Variants in ANKRD12 observed in about 807,000 individuals in gnomAD.
ANKRD12 encodes ankyrin repeat domain 12.
Under a neutral mutation model 183.4 loss-of-function variants are expected in ANKRD12, and 85 were observed. The ratio of observed to expected loss-of-function variants is 0.46; its 90% CI spans 0.39 to 0.56. The LOEUF is 0.56. Ranked by LOEUF, ANKRD12 falls within the 20% of genes least tolerant of loss-of-function variation. The pLI is 0.00. For synonymous variants in ANKRD12, 914 were observed against 800.2 expected (o/e 1.14, Z -2.40); for missense variants, 2,405 against 2,357.1 (o/e 1.02, Z -0.42).
intron 2 of ANKRD12, among the ~76,000 whole-genome samples, chr18:9,192,697 T>C (rs541857046): frequency 1.6e-5 from 2 of 123,048 alleles, no homozygotes; most frequent in East Asian, 2.7e-4. Context: ...GGATTTATCT[T>C]TTTTTTTCCT....
intron 1 of ANKRD12, among the ~76,000 whole-genome samples, chr18:9,141,908 A>G (rs2143338989): frequency 6.6e-6 from 1 of 152,274 alleles, no homozygotes; most frequent in African/African-American, 2.4e-5. Context: ...TTAACCTTTT[A>G]AAATAAATAG....
At chr18:9,218,543 A>C (rs1251314447) in intron 7 of ANKRD12, among the ~76,000 whole-genome samples, 5 of 152,228 alleles carry the variant, frequency 3.3e-5, no homozygotes, top group African/African-American at 1.2e-4. Flanking sequence ...TGGGAAAAGC[A>C]GAAATATAAC....
At chr18:9,145,050 AATTTTTATCTTT>A (rs1296785970) in intron 1 of ANKRD12, among the ~76,000 whole-genome samples, 2 of 152,106 alleles carry the variant, frequency 1.3e-5, no homozygotes, top group Admixed American at 6.5e-5. Flanking sequence ...AAGTATTTGA[AATTTTTATCTTT>A]TTATTTCTGA....
At position 9,221,716 on chromosome 18, in the gene ANKRD12, T is replaced by C; in HGVS notation, c.796-136T>C. The C allele has an allele frequency of 7.2e-6, 6 of 828,426 alleles. No homozygotes were observed. The South Asian group carries it at 1.4e-4, about 19-fold the overall frequency. 51.3% of individuals were successfully genotyped at this position (828,426 alleles called of 1,614,324 possible). On this transcript the variant is annotated intron_variant, in intron 7 of 12. Transcript: ENST00000262126. The stretch of plus-strand genomic sequence containing the variant: ...ATGGATCTTGAAGAGAATAACGATT[T>C]AGAGTAGATGGTGAGGAATGGATGC...
Position 9,271,467 on chromosome 18 carries a change from C to T in ANKRD12, c.5764-4057C>T, listed in dbSNP as rs915324519. Among the ~76,000 whole-genome samples the T allele has an allele frequency of 7.9e-5, 12 of 151,870 alleles. No homozygotes were observed. The East Asian group carries it at 1.7e-3, about 22-fold the overall frequency. Reference sequence around the variant, plus strand: ...CCAGGAGGCGGAGGTTGCAGTGAGCCGAGATCATGCCACTGTACTCCAGCC... The same window carrying T: ...CCAGGAGGCGGAGGTTGCAGTGAGCTGAGATCATGCCACTGTACTCCAGCC... On this transcript the variant is annotated intron_variant, in intron 10 of 12. Transcript: ENST00000262126.
chr18:9,177,965 T>TA (rs1439912660), intron 1 of ANKRD12, among the ~76,000 whole-genome samples: 5 of 149,460 alleles, frequency 3.3e-5, no homozygotes, highest in Admixed American at 2.0e-4. Context: ...TATTGATTCA[T>TA]AAGAGTTATT....
intron 4 of ANKRD12, among the ~76,000 whole-genome samples, chr18:9,204,765 A>G (rs2035382238): frequency 6.6e-6 from 1 of 152,228 alleles, no homozygotes; most frequent in Admixed American, 6.5e-5. Context: ...CAGGACTGCC[A>G]TATACCTCCA....
At chr18:9,209,407 T>C (rs1030584204) in intron 5 of ANKRD12, among the ~76,000 whole-genome samples, 1 of 152,190 alleles carries the variant, frequency 6.6e-6, no homozygotes, top group Non-Finnish European at 1.5e-5. Flanking sequence ...TGGAGAAAAT[T>C]TCTTTTGGCC....
intron 8 of ANKRD12, among the ~76,000 whole-genome samples, chr18:9,226,365 C>A (rs138358575): frequency 6.6e-6 from 1 of 152,032 alleles, no homozygotes; most frequent in African/African-American, 2.4e-5. Context: ...GCAGAAGTTG[C>A]AGTAAGCTGA....
intron 8 of ANKRD12, among the ~76,000 whole-genome samples, chr18:9,243,836 T>G (rs2037796504): frequency 6.6e-6 from 1 of 152,214 alleles, no homozygotes; most frequent in Admixed American, 6.5e-5. Flanking sequence ...GTTTTTTAAA[T>G]TGAAGAAAGT....
At chr18:9,190,641 A>G (rs192940600) in intron 2 of ANKRD12, among the ~76,000 whole-genome samples, 9 of 152,272 alleles carry the variant, frequency 5.9e-5, no homozygotes, top group East Asian at 1.9e-4. Context: ...AGCCACCCCA[A>G]CCATCAAAAA....
chr18:9,231,126 A>G (rs531850258), intron 8 of ANKRD12, among the ~76,000 whole-genome samples: 1 of 152,294 alleles, frequency 6.6e-6, no homozygotes, highest in East Asian at 1.9e-4. Flanking sequence ...TGTGGAATAC[A>G]CTGTGATTTC....
intron 1 of ANKRD12, among the ~76,000 whole-genome samples, chr18:9,172,140 C>T (rs2032801652): frequency 6.6e-6 from 1 of 151,738 alleles, no homozygotes; most frequent in Non-Finnish European, 1.5e-5. Context: ...GGTGGCCTGG[C>T]CTTTCTCTCT....
chr18:9,167,016 C>G (rs1350272941), intron 1 of ANKRD12, among the ~76,000 whole-genome samples: 1 of 152,142 alleles, frequency 6.6e-6, no homozygotes, highest in Non-Finnish European at 1.5e-5. Context: ...TGTCAAAGAT[C>G]AGATAGTTGT....
At chr18:9,183,978 A>C (rs2033876063) in intron 2 of ANKRD12, among the ~76,000 whole-genome samples, 1 of 152,064 alleles carries the variant, frequency 6.6e-6, no homozygotes, top group Non-Finnish European at 1.5e-5. Context: ...ATTATCTTAG[A>C]TGTTGATCCT....
At chr18:9,191,734 A>G (rs1385408877) in intron 2 of ANKRD12, among the ~76,000 whole-genome samples, 2 of 152,160 alleles carry the variant, frequency 1.3e-5, no homozygotes, top group African/African-American at 2.4e-5. Context: ...TCCTAGAGAT[A>G]ATAAACTCAC....
At chr18:9,207,541 A>G (rs1427480769) in intron 4 of ANKRD12, among the ~76,000 whole-genome samples, 1 of 152,228 alleles carries the variant, frequency 6.6e-6, no homozygotes, top group African/African-American at 2.4e-5. Context: ...CCTGCTAATA[A>G]TATCAGGTTT....
chr18:9,155,456 G>T (rs960224975), intron 1 of ANKRD12, among the ~76,000 whole-genome samples: 1 of 152,144 alleles, frequency 6.6e-6, no homozygotes, highest in Non-Finnish European at 1.5e-5. Context: ...TTACATATTT[G>T]TGTAAGTACA....
At position 9,172,049 on chromosome 18, in the gene ANKRD12, G is replaced by A. The variant is rs939389020; in HGVS notation, c.-51-10333G>A. Among the ~76,000 whole-genome samples the A allele has an allele frequency of 2.7e-5, 4 of 148,044 alleles. No individual in the cohort carries two copies. The South Asian group carries it at 6.5e-4, about 24-fold the overall frequency. On this transcript the variant is annotated intron_variant, in intron 1 of 12. Coordinates refer to ENST00000262126, the MANE Select transcript of ANKRD12 (RefSeq NM_015208.5). ...TCAAAAAAAAAAAAAAACGAATGTT[G>A]AATATTGGTCCCCAATCTTTTTTGG...
Sources: allele counts gnomAD v4.1 joint callset (sites outside exome capture counted in the v4.1 genomes callset), GRCh38; gene constraint gnomAD v4.1.1; transcripts MANE v1.5; gene names NCBI Gene and HGNC (gene_info 2026-07-23, HGNC 2026-07-21).